The following CHST1 variants were observed in gnomAD, a reference collection of about 807,000 sequenced individuals.
CHST1 encodes carbohydrate sulfotransferase 1, also known as Keratan sulfotransferase.
CHST1 carries 10 observed loss-of-function variants against 22.5 expected under a neutral mutation model. The observed-to-expected ratio is 0.44, with a 90% CI of 0.27 to 0.75. The LOEUF (loss-of-function observed/expected upper bound fraction) is 0.75, where lower values mean the gene tolerates loss of function less well. Ranked by LOEUF, CHST1 falls within the 30% of genes least tolerant of loss-of-function variation. CHST1 has a pLI of 0.15. For missense variants in CHST1, 439 were observed against 576.1 expected, an observed-to-expected ratio of 0.76 and a Z score of 2.44; for synonymous variants, 267 against 264.5, an observed-to-expected ratio of 1.01 and a Z score of -0.09.
chr11:45,651,841 C>G (rs936657288), intron 3 of CHST1, 152 bp downstream of exon 3: 1 of 152,300 alleles, frequency 6.6e-6, no homozygotes, highest in African/African-American at 2.4e-5. Context: ...CATGGAGAAG[C>G]AGAAAGAGCG....
Position 45,651,399 on chromosome 11 carries a change from C to T in CHST1, c.-42-434G>A, listed in dbSNP as rs146480820. 3.2e-3 allele frequency: 493 copies of T among 154,732 alleles called. 1 individual carries two copies. Among genetic ancestry groups the T allele is most frequent in the Admixed American group, 6.2e-3 (96 of 15,376 alleles). The allele number at this position is 154,732 out of a possible 1,614,324, so 9.6% of individuals were successfully genotyped here. ...TGGTCCTCTTTCCTCTGTCCTCTGC[C>T]CATCCCTAGGGGAAAGAAGAGTCCC... On this transcript the variant is annotated intron_variant, in intron 3 of 3. Transcript: ENST00000308064.
intron 3 of CHST1, 96 bp from the exon 4 acceptor site, chr11:45,651,061 C>T: frequency 1.1e-6 from 1 of 903,224 alleles, no homozygotes; most frequent in Non-Finnish European, 1.6e-6. Flanking sequence ...CAGGGAAAGG[C>T]CCGGCTCCTG....
At chr11:45,654,088 T>A (rs1852031089) in intron 1 of CHST1, among the ~76,000 whole-genome samples, 2 of 151,884 alleles carry the variant, frequency 1.3e-5, no homozygotes, top group South Asian at 4.2e-4. Context: ...CCTTAAGGAG[T>A]CTTCACTTAA....
chr11:45,655,751 G>T (rs1852054110), intron 1 of CHST1, among the ~76,000 whole-genome samples: 1 of 152,332 alleles, frequency 6.6e-6, no homozygotes, highest in Middle Eastern at 3.4e-3. Flanking sequence ...TGGCCCACAT[G>T]GCCTCCGGAT....
chr11:45,647,997 C>T lies in CHST1; in HGVS notation c.*1691G>A, dbSNP rs567799221. ...AGGACAACAAAGCTGTGACCTGCAG[C>T]CACCCCAGGGGCAGGTTTTCTTGGA... On this transcript the variant is annotated 3_prime_UTR_variant, in exon 4 of 4. Transcript: ENST00000308064. Among the ~76,000 whole-genome samples the T allele has an allele frequency of 3.3e-5, 5 of 152,216 alleles. No homozygotes were observed. Among genetic ancestry groups the T allele is most frequent in the Admixed American group, 2.6e-4 (4 of 15,300 alleles).
In CHST1 at chr11:45,650,238, A is replaced by G; in HGVS notation, c.686T>C (p.Val229Ala). 6.2e-7 allele frequency: 1 copy of G among 1,608,812 alleles called. No homozygotes were observed. Among genetic ancestry groups the G allele is most frequent in the Non-Finnish European group, 8.5e-7 (1 of 1,179,638 alleles). ...LVEDPRLNLK[V>A]IQLVRDPRGI... ...GCGGGGGTCTCGGACCAGCTGGATG[A>G]CCTTGAGGTTTAATCGCGGGTCTTC... is the stretch of plus-strand genomic sequence containing the variant. The change falls in exon 4 of 4, where the codon GTC (valine) becomes GCC (alanine). Residue 229 changes from valine to alanine, a missense_variant. Transcript: ENST00000308064.
At chr11:45,664,942 CG>C (rs1852178893) in intron 1 of CHST1, among the ~76,000 whole-genome samples, 1 of 152,162 alleles carries the variant, frequency 6.6e-6, no homozygotes, top group African/African-American at 2.4e-5. Flanking sequence ...CTGCCCTCCT[CG>C]AATGGGGGCA....
rs372225694 is a variant in CHST1 at position 45,653,131 on chromosome 11, T to C, written c.-226-525A>G. ...GAAGATTCTTCCCACACCCCACTATTTGACGTGACTCCTTTGGGAGCGGGT... is the reference window on the plus strand; with the variant it reads ...GAAGATTCTTCCCACACCCCACTATCTGACGTGACTCCTTTGGGAGCGGGT... On this transcript the variant is annotated intron_variant, in intron 1 of 3. Transcript: ENST00000308064. Among the ~76,000 whole-genome samples, 9 of 152,304 alleles carry C rather than the reference T, an allele frequency of 5.9e-5. No homozygotes were observed. In the South Asian group the frequency reaches 1.7e-3, roughly 28 times the overall value.
chr11:45,662,056 G>A (rs1457775269), intron 1 of CHST1, among the ~76,000 whole-genome samples: 1 of 152,204 alleles, frequency 6.6e-6, no homozygotes, highest in Non-Finnish European at 1.5e-5. Flanking sequence ...CTAACTTGGG[G>A]TTAGGAGAGT....
At chr11:45,663,362 G>A (rs1225139926) in intron 1 of CHST1, among the ~76,000 whole-genome samples, 1 of 152,180 alleles carries the variant, frequency 6.6e-6, no homozygotes, top group Admixed American at 6.5e-5. Context: ...GGCAAGGGTT[G>A]GGGGGAGAGT....
Position 45,650,119 on chromosome 11 carries a change from C to G in CHST1, c.805G>C (p.Val269Leu). ...GTGRKPYNLD[V>L]TQLTTVCEDF... ...TCGCACACCGTGGTCAGCTGCGTCA[C>G]GTCCAGGTTGTAGGGTTTCCTCCCG... is the stretch of plus-strand genomic sequence containing the variant. The change falls in exon 4 of 4, where the codon GTG (valine) becomes CTG (leucine). Residue 269 changes from valine (V) to leucine (L), a missense_variant. Physicochemically the swap from Val to Leu is conservative, Grantham distance 32. Transcript: ENST00000308064. 2 of 1,614,034 alleles carry G rather than the reference C, an allele frequency of 1.2e-6. No homozygotes were observed. Among genetic ancestry groups the G allele is most frequent in the Non-Finnish European group, 1.7e-6 (2 of 1,180,028 alleles).
rs549835853 is a variant in CHST1, at chr11:45,648,647, C to T, written c.*1041G>A. On this transcript the variant is annotated 3_prime_UTR_variant, in exon 4 of 4. Coordinates refer to ENST00000308064, the MANE Select transcript of CHST1 (RefSeq NM_003654.6). Reference sequence around the variant, plus strand: ...CAGAGGTTGCAGTGAGCCGAGATGGCGCCATTGCACTCCAGCCTGGGTGAC... The same window carrying T: ...CAGAGGTTGCAGTGAGCCGAGATGGTGCCATTGCACTCCAGCCTGGGTGAC... Among the ~76,000 whole-genome samples, 4 of 152,164 alleles carry T rather than the reference C, an allele frequency of 2.6e-5. No homozygotes were observed. The highest frequency in any genetic ancestry group is 2.1e-4 in the South Asian group (1 of 4,808).
chr11:45,664,603 G>A (rs1852173641), intron 1 of CHST1, among the ~76,000 whole-genome samples: 1 of 152,264 alleles, frequency 6.6e-6, no homozygotes, highest in African/African-American at 2.4e-5. Flanking sequence ...GTCCTACCCA[G>A]AGAAGAGCGG....
Position 45,650,076 on chromosome 11 carries a change from A to G in CHST1, c.848T>C (p.Val283Ala), listed in dbSNP as rs765327530. 2 of 1,614,114 alleles carry G rather than the reference A, an allele frequency of 1.2e-6. No individual in the cohort carries two copies. Among genetic ancestry groups the G allele is most frequent in the Admixed American group, 1.7e-5 (1 of 60,030 alleles). ...TTVCEDFSNS[V>A]STGLMRPPWL... ...CGGGGGCCGCATGAGGCCGGTGGAC[A>G]CGGAGTTGGAGAAGTCCTCGCACAC... is the stretch of plus-strand genomic sequence containing the variant. The change falls in exon 4 of 4, where the codon GTG (valine) becomes GCG (alanine). Residue 283 changes from valine (V) to alanine (A), a missense_variant. Transcript: ENST00000308064.
chr11:45,650,088 A>T lies in CHST1; in HGVS notation c.836T>A (p.Phe279Tyr). 1 of 1,613,998 alleles carries T rather than the reference A, an allele frequency of 6.2e-7. No homozygotes were observed. Among genetic ancestry groups the T allele is most frequent in the South Asian group, 1.1e-5 (1 of 91,080 alleles). Residue 279 changes from phenylalanine to tyrosine, a missense_variant, in exon 4 of 4, where the codon TTC becomes TAC. Transcript: ENST00000308064. Reference sequence around the variant, plus strand: ...GAGGCCGGTGGACACGGAGTTGGAGAAGTCCTCGCACACCGTGGTCAGCTG... The same window carrying T: ...GAGGCCGGTGGACACGGAGTTGGAGTAGTCCTCGCACACCGTGGTCAGCTG... ...VTQLTTVCED[F>Y]SNSVSTGLMR...
At position 45,649,873 on chromosome 11, in the gene CHST1, G is replaced by A. The variant is rs748586532; in HGVS notation, c.1051C>T (p.Arg351Ter). The change falls in exon 4 of 4, where the codon CGA becomes TGA. Residue 351 changes from arginine to a stop codon, truncating the protein, a stop_gained. Coordinates refer to ENST00000308064, the MANE Select transcript of CHST1 (RefSeq NM_003654.6). LOFTEE classifies it high-confidence loss of function. ...TTCTCGGCCGTGGCCGCCGAGTTTC[G>A]CACGGTGCCGTATTTGTGCTTGCCC... The part of the protein sequence containing the change: ...TLGKHKYGTV[R>*]NSAATAEKWR... The A allele has an allele frequency of 2.5e-6, 4 of 1,610,982 alleles. No individual in the cohort carries two copies. Among genetic ancestry groups the A allele is most frequent in the Non-Finnish European group, 3.4e-6 (4 of 1,179,976 alleles).
chr11:45,656,007 C>T (rs4148896), intron 1 of CHST1, among the ~76,000 whole-genome samples: 1 of 152,246 alleles, frequency 6.6e-6, no homozygotes, highest in South Asian at 2.1e-4. Flanking sequence ...TCCCCCACCT[C>T]GGCCTGATCT....
chr11:45,661,791 G>A (rs1852136421), intron 1 of CHST1, among the ~76,000 whole-genome samples: 1 of 152,204 alleles, frequency 6.6e-6, no homozygotes. Context: ...CAAGGAGCAG[G>A]GAACCTGAGG....
Position 45,648,722 on chromosome 11 carries a change from C to T in CHST1, c.*966G>A, listed in dbSNP as rs1851949259. 6.6e-6 allele frequency among the ~76,000 whole-genome samples: 1 copy of T among 152,130 alleles called. No individual in the cohort carries two copies. The highest frequency in any genetic ancestry group is 1.5e-5 in the Non-Finnish European group (1 of 67,968). On this transcript the variant is annotated 3_prime_UTR_variant, in exon 4 of 4. Coordinates refer to ENST00000308064, the MANE Select transcript of CHST1 (RefSeq NM_003654.6). ...AAACAAAACAAAAACCTAAACTAAA[C>T]TCAGTGTTGAGGGTGACAAGAGTTC...
Sources: gnomAD v4.1 joint callset for allele counts (sites outside exome capture counted in the v4.1 genomes callset) on GRCh38, gnomAD v4.1.1 for gene constraint, MANE v1.5 for transcripts, NCBI Gene and HGNC (gene_info 2026-07-23, HGNC 2026-07-21) for gene names.